ASTN2: variants seen among roughly 807,000 people sequenced by gnomAD.
The protein encoded by ASTN2 is astrotactin-2.
A neutral mutation model predicts 139.8 loss-of-function variants in ASTN2; 54 were observed. The observed-to-expected ratio is 0.39, with a 90% CI of 0.31 to 0.48. The LOEUF (loss-of-function observed/expected upper bound fraction) is 0.48. Ranked by LOEUF, ASTN2 falls within the 20% of genes least tolerant of loss-of-function variation. The probability of loss-of-function intolerance (pLI) is 0.95; values close to 1 mark genes in which losing one functional copy is unlikely to be tolerated. For synonymous variants in ASTN2, 756 were observed against 719.5 expected, an observed-to-expected ratio of 1.05 and a Z score of -0.81; for missense variants, 1,565 against 1,725.1, an observed-to-expected ratio of 0.91 and a Z score of 1.64.
At chr9:117,287,665 A>G (rs998708524) in intron 2 of ASTN2, among the ~76,000 whole-genome samples, 2 of 152,228 alleles carry the variant, frequency 1.3e-5, no homozygotes, top group African/African-American at 4.8e-5. Flanking sequence ...TACAGTAAAT[A>G]CTCAAAATAA....
chr9:116,914,351 A>C (rs1260950058), intron 10 of ASTN2, among the ~76,000 whole-genome samples: 1 of 152,072 alleles, frequency 6.6e-6, no homozygotes. Context: ...ATAGAACTTC[A>C]GTGGCTTGAA....
At chr9:117,077,677 G>T (rs1828316724) in intron 5 of ASTN2, among the ~76,000 whole-genome samples, 1 of 152,202 alleles carries the variant, frequency 6.6e-6, no homozygotes, top group Admixed American at 6.5e-5. Context: ...GAACCTGGCA[G>T]ATGGAGGCTG....
intron 9 of ASTN2, 134 bp downstream of exon 9, chr9:116,975,980 C>T (rs1942642666): frequency 3.9e-6 from 3 of 766,220 alleles, no homozygotes; most frequent in Non-Finnish European, 6.5e-6. Flanking sequence ...ACATTAGTGC[C>T]AGGGAGAGTT....
At chr9:117,040,544 C>T (rs892362732) in intron 5 of ASTN2, among the ~76,000 whole-genome samples, 4 of 152,288 alleles carry the variant, frequency 2.6e-5, no homozygotes, top group East Asian at 1.9e-4. Context: ...CTGTAACCTC[C>T]GCCACACGGG....
chr9:116,878,368 C>T (rs139199104), intron 10 of ASTN2, among the ~76,000 whole-genome samples: 13 of 152,310 alleles, frequency 8.5e-5, no homozygotes, highest in Admixed American at 3.3e-4. Context: ...GAATACTATG[C>T]AGCCATAAAA....
At chr9:116,461,384 T>G (rs1245645810) in intron 20 of ASTN2, among the ~76,000 whole-genome samples, 2 of 152,066 alleles carry the variant, frequency 1.3e-5, no homozygotes, top group African/African-American at 4.8e-5. Flanking sequence ...TGAATATATG[T>G]GTGTGTAAAA....
At chr9:116,775,023 A>C (rs543015533) in intron 13 of ASTN2, among the ~76,000 whole-genome samples, 1 of 152,310 alleles carries the variant, frequency 6.6e-6, no homozygotes, top group African/African-American at 2.4e-5. Flanking sequence ...GAAAGCCATC[A>C]TTACTGCAGC....
intron 16 of ASTN2, among the ~76,000 whole-genome samples, chr9:116,681,321 C>G (rs538537931): frequency 6.6e-6 from 1 of 151,960 alleles, no homozygotes; most frequent in East Asian, 1.9e-4. Context: ...TTACAAGGGA[C>G]GTGAAGGACC....
intron 20 of ASTN2, among the ~76,000 whole-genome samples, chr9:116,449,031 C>T (rs1201466450): frequency 1.3e-5 from 2 of 152,150 alleles, no homozygotes; most frequent in Non-Finnish European, 2.9e-5. Context: ...TACCTGAGTT[C>T]GAATGTTTGT....
At chr9:116,540,413 C>T (rs1851828103) in intron 19 of ASTN2, 1 of 152,204 alleles carries the variant, frequency 6.6e-6, no homozygotes, top group African/African-American at 2.4e-5. Flanking sequence ...TGTAGAGTTT[C>T]ACTTCTTAAT....
At chr9:116,982,900 G>A (rs1836552153) in intron 7 of ASTN2, among the ~76,000 whole-genome samples, 1 of 152,114 alleles carries the variant, frequency 6.6e-6, no homozygotes, top group South Asian at 2.1e-4. Flanking sequence ...AGGAGGTATG[G>A]GCACGGACAA....
chr9:117,074,711 A>C (rs1828232789), intron 5 of ASTN2, among the ~76,000 whole-genome samples: 1 of 152,122 alleles, frequency 6.6e-6, no homozygotes, highest in African/African-American at 2.4e-5. Flanking sequence ...GAACTATACT[A>C]AGGGCTGTGT....
At chr9:116,536,319 G>C (rs943107067) in intron 19 of ASTN2, among the ~76,000 whole-genome samples, 8 of 151,918 alleles carry the variant, frequency 5.3e-5, no homozygotes, top group African/African-American at 1.9e-4. Context: ...CTTTAGCTCG[G>C]AGAAGTTTGG....
At chr9:116,450,369 A>C (rs538777233) in intron 20 of ASTN2, among the ~76,000 whole-genome samples, 1 of 152,306 alleles carries the variant, frequency 6.6e-6, no homozygotes, top group Non-Finnish European at 1.5e-5. Flanking sequence ...ATGTAGTATC[A>C]TTTGCTTACA....
At chr9:117,066,168 C>T (rs1484345356) in intron 5 of ASTN2, among the ~76,000 whole-genome samples, 1 of 103,596 alleles carries the variant, frequency 9.7e-6, no homozygotes, top group African/African-American at 3.7e-5. Context: ...TCCCTCCCCC[C>T]TCCCCCCACC....
intron 10 of ASTN2, among the ~76,000 whole-genome samples, chr9:116,923,946 G>T (rs1834682178): frequency 6.6e-6 from 1 of 152,186 alleles, no homozygotes; most frequent in African/African-American, 2.4e-5. Context: ...ATGTGCTGTG[G>T]AGCAGGGCCC....
intron 22 of ASTN2, among the ~76,000 whole-genome samples, chr9:116,433,672 T>C (rs896141660): frequency 1.3e-5 from 2 of 152,232 alleles, no homozygotes; most frequent in African/African-American, 4.8e-5. Context: ...ACTTGTGCAA[T>C]GAAGCCATGG....
At chr9:117,399,089 T>C (rs1830754251) in intron 1 of ASTN2, among the ~76,000 whole-genome samples, 1 of 152,114 alleles carries the variant, frequency 6.6e-6, no homozygotes, top group Admixed American at 6.5e-5. Flanking sequence ...TGACCCAAAA[T>C]GTAAAATTGA....
intron 10 of ASTN2, among the ~76,000 whole-genome samples, chr9:116,960,317 C>A (rs1835842059): frequency 1.3e-5 from 2 of 152,156 alleles, no homozygotes; most frequent in African/African-American, 4.8e-5. Flanking sequence ...GTATTCAATT[C>A]TTTGTTTTGC....
Sources: gnomAD v4.1 joint callset for allele counts (sites outside exome capture counted in the v4.1 genomes callset) on GRCh38, gnomAD v4.1.1 for gene constraint, MANE v1.5 for transcripts, NCBI Gene and HGNC (gene_info 2026-07-23, HGNC 2026-07-21) for gene names.